OPHN1: variants seen among roughly 807,000 people sequenced by gnomAD.
The protein encoded by OPHN1 is oligophrenin 1.
A neutral mutation model predicts 60.7 loss-of-function variants in OPHN1; 11 were observed. The ratio of observed to expected loss-of-function variants is 0.18; its 90% CI spans 0.11 to 0.30. The LOEUF is 0.30. Ranked by LOEUF, OPHN1 falls within the 10% of genes least tolerant of loss-of-function variation. The pLI, the probability that OPHN1 is intolerant of heterozygous loss-of-function variation, is 1.00. For synonymous variants in OPHN1, 226 were observed against 222.6 expected, an observed-to-expected ratio of 1.02 and a Z score of -0.14; for missense variants, 449 against 611.0, an observed-to-expected ratio of 0.73 and a Z score of 2.80.
intron 2 of OPHN1, among the ~76,000 whole-genome samples, chrX:68,342,868 G>C (rs957468961): frequency 9.0e-6 from 1 of 111,700 alleles, no homozygotes; most frequent in Admixed American, 9.6e-5. Flanking sequence ...CTGAGCCTGA[G>C]AGGTCAAGGC....
chrX:68,043,853 C>G lies in OPHN1; in HGVS notation c.*3319G>C, dbSNP rs1054976259. 3 of 112,034 alleles carry G rather than the reference C, an allele frequency of 2.7e-5. No homozygotes were observed. The highest frequency in any genetic ancestry group is 5.6e-5 in the Non-Finnish European group (3 of 53,259). The allele number at this position is 112,034 out of a possible 1,213,427, so 9.2% of individuals were successfully genotyped here. A position where few individuals can be genotyped will look rare whatever the true frequency, so the allele number is the denominator to read the frequency against. ...ATCAAGTACTGCAGAGGCACCAAGA[C>G]CTTTTCTGCTTCTAAAACTGCATTT... On this transcript the variant is annotated 3_prime_UTR_variant, in exon 25 of 25. Coordinates refer to ENST00000355520, the MANE Select transcript of OPHN1 (RefSeq NM_002547.3).
At chrX:68,379,970 T>C (rs1407406892) in intron 2 of OPHN1, among the ~76,000 whole-genome samples, 2 of 110,644 alleles carry the variant, frequency 1.8e-5, no homozygotes, top group Non-Finnish European at 3.8e-5. Context: ...TTCCTTCTTT[T>C]TCTATTAATT....
At chrX:68,154,289 A>C (rs969604638) in intron 15 of OPHN1, among the ~76,000 whole-genome samples, 2 of 112,478 alleles carry the variant, frequency 1.8e-5, no homozygotes, top group African/African-American at 6.5e-5. Flanking sequence ...TAACTAGCAG[A>C]TGGCAGGGAC....
chrX:68,042,348 A>G lies in OPHN1; in HGVS notation c.*4824T>C, dbSNP rs2076818654. 9.0e-6 allele frequency: 1 copy of G among 111,302 alleles called. No individual in the cohort carries two copies. The highest frequency in any genetic ancestry group is 1.9e-5 in the Non-Finnish European group (1 of 53,037). 9.2% of individuals were successfully genotyped at this position (111,302 alleles called of 1,213,427 possible). ...AAAACTGCAGATGGAGGCCACTTATATTAGACAGTCTACATACTTTATTGA... is the reference window on the plus strand; with the variant it reads ...AAAACTGCAGATGGAGGCCACTTATGTTAGACAGTCTACATACTTTATTGA... On this transcript the variant is annotated 3_prime_UTR_variant, in exon 25 of 25. Coordinates refer to ENST00000355520, the MANE Select transcript of OPHN1 (RefSeq NM_002547.3).
intron 2 of OPHN1, among the ~76,000 whole-genome samples, chrX:68,341,617 TGAGTTCAG>T (rs1360989035): frequency 9.0e-6 from 1 of 111,396 alleles, no homozygotes; most frequent in Non-Finnish European, 1.9e-5. Flanking sequence ...GTATATCACT[TGAGTTCAG>T]GAGTTCAAGA....
Position 68,315,555 on chromosome X carries a change from T to TA in OPHN1, c.155-16460dup, listed in dbSNP as rs1260304590. Reference sequence around the variant, plus strand: ...CTATTCAACACAGTATTGGAAGTTCTAGCCACAGCAATTTAACAAGTAAAG... The same window carrying TA: ...CTATTCAACACAGTATTGGAAGTTCTAAGCCACAGCAATTTAACAAGTAAAG... On this transcript the variant is annotated intron_variant, in intron 2 of 24. Transcript: ENST00000355520. Among the ~76,000 whole-genome samples the TA allele has an allele frequency of 7.1e-5, 8 of 111,907 alleles. No homozygotes were observed. In the East Asian group the frequency reaches 2.2e-3, roughly 31 times the overall value.
chrX:68,150,967 A>G (rs1265914482), intron 15 of OPHN1, among the ~76,000 whole-genome samples: 2 of 111,958 alleles, frequency 1.8e-5, no homozygotes, highest in Admixed American at 9.5e-5. Context: ...GTGTGTATGT[A>G]AAATTTATTT....
chrX:68,378,337 T>G (rs1274169001), intron 2 of OPHN1, among the ~76,000 whole-genome samples: 1 of 111,858 alleles, frequency 8.9e-6, no homozygotes, highest in African/African-American at 3.2e-5. Context: ...ATCAGCCCTT[T>G]GTCAGATAAG....
At chrX:68,424,147 A>G (rs1225342842) in intron 2 of OPHN1, among the ~76,000 whole-genome samples, 1 of 108,866 alleles carries the variant, frequency 9.2e-6, no homozygotes, top group Non-Finnish European at 1.9e-5. Flanking sequence ...AGCCTGGGCA[A>G]CAGAGCTAGA....
chrX:68,161,299 T>G lies in OPHN1; in HGVS notation c.1276+31620A>C, dbSNP rs187429937. Reference sequence around the variant, plus strand: ...AAACTTCAAGAATTAATATGAATCCTTCACAAACTTCCAACAATTGAAAGG... The same window carrying G: ...AAACTTCAAGAATTAATATGAATCCGTCACAAACTTCCAACAATTGAAAGG... On this transcript the variant is annotated intron_variant, in intron 15 of 24. Coordinates refer to ENST00000355520, the MANE Select transcript of OPHN1 (RefSeq NM_002547.3). Among the ~76,000 whole-genome samples the G allele has an allele frequency of 2.7e-3, 300 of 111,354 alleles. 1 individual carries two copies. Among genetic ancestry groups the G allele is most frequent in the African/African-American group, 9.3e-3 (287 of 30,851 alleles).
intron 2 of OPHN1, among the ~76,000 whole-genome samples, chrX:68,312,100 A>AT (rs112240586): frequency 0.12 from 10,651 of 92,203 alleles, 567 homozygotes; most frequent in South Asian, 0.18. Flanking sequence ...ATTATATTCT[A>AT]TTTTTTTTTT....
At chrX:68,420,494 C>A (rs768048444) in intron 2 of OPHN1, among the ~76,000 whole-genome samples, 32 of 111,904 alleles carry the variant, frequency 2.9e-4, no homozygotes, top group African/African-American at 1.0e-3. Context: ...GCAGTTTATA[C>A]CTACATCTAC....
intron 2 of OPHN1, among the ~76,000 whole-genome samples, chrX:68,373,460 C>T (rs1447086341): frequency 2.7e-5 from 3 of 111,375 alleles, no homozygotes; most frequent in Non-Finnish European, 3.8e-5. Context: ...TGGCTACACA[C>T]TCTTGCCTTT....
chrX:68,053,419 C>T (rs1017724405), intron 22 of OPHN1, among the ~76,000 whole-genome samples: 1 of 111,562 alleles, frequency 9.0e-6, no homozygotes, highest in South Asian at 3.7e-4. Flanking sequence ...AAATGGGTCT[C>T]CTAGCAGGTA....
At chrX:68,334,113 G>A (rs749074070) in intron 2 of OPHN1, among the ~76,000 whole-genome samples, 1 of 110,290 alleles carries the variant, frequency 9.1e-6, no homozygotes, top group South Asian at 4.0e-4. Flanking sequence ...GTCCAGGCTG[G>A]TCTCAAACTC....
At chrX:68,217,178 G>A (rs1013651636) in intron 6 of OPHN1, among the ~76,000 whole-genome samples, 5 of 111,852 alleles carry the variant, frequency 4.5e-5, no homozygotes, top group Non-Finnish European at 7.5e-5. Context: ...GATGGCACCT[G>A]GAAAATCGGG....
At chrX:68,379,407 T>C (rs1372339521) in intron 2 of OPHN1, among the ~76,000 whole-genome samples, 2 of 109,124 alleles carry the variant, frequency 1.8e-5, no homozygotes, top group African/African-American at 6.7e-5. Flanking sequence ...TTTTCCTAAT[T>C]GAATACCCTT....
chrX:68,319,427 T>C (rs755845057), intron 2 of OPHN1, among the ~76,000 whole-genome samples: 9 of 110,175 alleles, frequency 8.2e-5, no homozygotes, highest in African/African-American at 9.9e-5. Flanking sequence ...AATACCAAAA[T>C]CATGACCTAT....
intron 5 of OPHN1, among the ~76,000 whole-genome samples, chrX:68,255,212 A>C (rs2147555689): frequency 9.1e-6 from 1 of 109,905 alleles, no homozygotes; most frequent in South Asian, 4.0e-4. Flanking sequence ...TAAGTCACTT[A>C]CCCATACATA....
Sources: gnomAD v4.1 joint callset for allele counts (sites outside exome capture counted in the v4.1 genomes callset) on GRCh38, gnomAD v4.1.1 for gene constraint, MANE v1.5 for transcripts, NCBI Gene and HGNC (gene_info 2026-07-23, HGNC 2026-07-21) for gene names.